The following ACACA variants were observed in gnomAD, a reference collection of about 807,000 sequenced individuals.
ACACA encodes acetyl-CoA carboxylase 1.
ACACA carries 103 observed loss-of-function variants against 296.1 expected under a neutral mutation model. The ratio of observed to expected loss-of-function variants is 0.35; its 90% CI spans 0.30 to 0.41. ACACA has a LOEUF of 0.41. Among genes scored for constraint, ACACA ranks in the 10% least tolerant of loss-of-function variants. The probability of loss-of-function intolerance (pLI) is 1.00; values close to 1 mark genes in which losing one functional copy is unlikely to be tolerated. For synonymous variants in ACACA, 953 were observed against 1,038.6 expected (o/e 0.92, Z 1.58); for missense variants, 1,554 against 2,989.7 (o/e 0.52, Z 11.20).
At chr17:37,331,037 A>G (rs904556654) in intron 2 of ACACA, among the ~76,000 whole-genome samples, 1 of 152,252 alleles carries the variant, frequency 6.6e-6, no homozygotes, top group Non-Finnish European at 1.5e-5. Context: ...CAGCCTCCCC[A>G]GTAGCTGGGA....
chr17:37,319,051 T>C (rs549429443), intron 3 of ACACA, among the ~76,000 whole-genome samples: 51 of 152,332 alleles, frequency 3.3e-4, no homozygotes, highest in Non-Finnish European at 6.5e-4. Flanking sequence ...CTTCTGTTTC[T>C]CTATATGCTA....
rs56411032 is a variant in ACACA at position 37,137,930 on chromosome 17, T to C, written c.5680-7712A>G. Among the ~76,000 whole-genome samples the C allele has an allele frequency of 1.1e-3, 174 of 152,364 alleles. 1 individual carries two copies. The highest frequency in any genetic ancestry group is 4.1e-3 in the African/African-American group (171 of 41,580). On this transcript the variant is annotated intron_variant, in intron 45 of 55. Coordinates refer to ENST00000616317, the MANE Select transcript of ACACA (RefSeq NM_198834.3). ...GATTACATGTTCCAATGGTCTTGAC[T>C]TCTCATATTTGCATCTTATGCTGTT... is the stretch of plus-strand genomic sequence containing the variant.
chr17:37,126,274 A>G (rs979016323), intron 47 of ACACA, among the ~76,000 whole-genome samples: 1 of 152,232 alleles, frequency 6.6e-6, no homozygotes, highest in African/African-American at 2.4e-5. Flanking sequence ...TAAGGATCCA[A>G]ATTTGGAGGG....
At chr17:37,331,900 T>TAA (rs75014763) in intron 2 of ACACA, among the ~76,000 whole-genome samples, 3 of 143,886 alleles carry the variant, frequency 2.1e-5, no homozygotes, top group South Asian at 2.2e-4. Context: ...AATTTTTAAT[T>TAA]AAAAAAAAAA....
chr17:37,305,071 TTC>T (rs898115653), intron 3 of ACACA, among the ~76,000 whole-genome samples: 25 of 152,230 alleles, frequency 1.6e-4, no homozygotes, highest in African/African-American at 5.3e-4. Context: ...TGTAGATAAT[TTC>T]TGTTGACTTT....
chr17:37,260,109 T>C (rs1024022900), intron 11 of ACACA, among the ~76,000 whole-genome samples: 1 of 150,502 alleles, frequency 6.6e-6, no homozygotes, highest in Non-Finnish European at 1.5e-5. Context: ...CTCAAACTCC[T>C]GACCTCAAGT....
chr17:37,206,674 G>A (rs999987261), intron 32 of ACACA, 109 bp downstream of exon 32: 4 of 906,882 alleles, frequency 4.4e-6, no homozygotes, highest in African/African-American at 3.3e-5. Flanking sequence ...ATAAAGTGGG[G>A]TAAAAGGATG....
intron 52 of ACACA, among the ~76,000 whole-genome samples, chr17:37,098,756 CTCATTTGGA>C (rs1051639932): frequency 6.6e-6 from 1 of 152,156 alleles, no homozygotes; most frequent in Non-Finnish European, 1.5e-5. Flanking sequence ...GTTGGCAAAC[CTCATTTGGA>C]TCACTGCGCA....
intron 1 of ACACA, chr17:37,360,092 CT>C (rs1265147928): frequency 6.6e-6 from 1 of 152,134 alleles, no homozygotes; most frequent in African/African-American, 2.4e-5. Context: ...CATAGCAAGA[CT>C]TTCATGGTAG....
chr17:37,280,730 A>AACACAC (rs71979048), intron 5 of ACACA, among the ~76,000 whole-genome samples: 20,862 of 146,248 alleles, frequency 0.14, 1,605 homozygotes, highest in African/African-American at 0.2. Context: ...TTACATAGTT[A>AACACAC]ACACACACAC....
intron 11 of ACACA, among the ~76,000 whole-genome samples, chr17:37,259,938 G>A (rs1197346511): frequency 6.7e-6 from 1 of 148,408 alleles, no homozygotes; most frequent in Non-Finnish European, 1.5e-5. Context: ...GGAGTCCAGT[G>A]GCACAATCTC....
Position 37,363,309 on chromosome 17 carries a change from A to G in ACACA, c.39-23459T>C, listed in dbSNP as rs574158547. ...GCGATTCTTCTGCCTCAGCCTCTCA[A>G]GTAGCTGGGATTACTGGCGCGTGCC... On this transcript the variant is annotated intron_variant, in intron 1 of 55. Coordinates refer to ENST00000616317, the MANE Select transcript of ACACA (RefSeq NM_198834.3). Among the ~76,000 whole-genome samples the G allele has an allele frequency of 2.0e-3, 295 of 149,908 alleles. 1 individual carries two copies. The highest frequency in any genetic ancestry group is 6.5e-3 in the African/African-American group (267 of 40,836).
chr17:37,133,316 GAGTATGCGCCAGTAGAATGAGGGCGCAC>G (rs2075188778), intron 45 of ACACA, among the ~76,000 whole-genome samples: 1 of 152,168 alleles, frequency 6.6e-6, no homozygotes. Context: ...CACATGTTTG[GAGTATGCGCCAGTAGAATGAGGGCGCAC>G]ACAATAGCTC....
intron 3 of ACACA, among the ~76,000 whole-genome samples, chr17:37,310,510 G>A (rs1435175351): frequency 1.3e-5 from 2 of 151,912 alleles, no homozygotes; most frequent in African/African-American, 4.8e-5. Flanking sequence ...TATAGAAAAT[G>A]TGGCTGGGTA....
chr17:37,400,052 TTG>T (rs756683628), intron 1 of ACACA, among the ~76,000 whole-genome samples: 2 of 152,104 alleles, frequency 1.3e-5, no homozygotes, highest in Non-Finnish European at 2.9e-5. Flanking sequence ...ACTTATTTTT[TTG>T]TGTGGTAAGA....
rs747093484 is a variant in ACACA, at chr17:37,252,870, G to A, written c.1977+16C>T. 1.2e-6 allele frequency: 2 copies of A among 1,614,034 alleles called. No individual in the cohort carries two copies. The highest frequency in any genetic ancestry group is 1.7e-6 in the Non-Finnish European group (2 of 1,180,028). The stretch of plus-strand genomic sequence containing the variant: ...AAAAACCCAATCCCAGCATCTGTTT[G>A]TGGAGAAATACACACCTGTACTTTT... On this transcript the variant is annotated intron_variant, in intron 15 of 55. Coordinates refer to ENST00000616317, the MANE Select transcript of ACACA (RefSeq NM_198834.3).
At chr17:37,256,114 G>A (rs566499919) in intron 14 of ACACA, among the ~76,000 whole-genome samples, 1 of 152,192 alleles carries the variant, frequency 6.6e-6, no homozygotes, top group South Asian at 2.1e-4. Context: ...ACTTTTAAGA[G>A]CTAGCAGAAA....
intron 27 of ACACA, among the ~76,000 whole-genome samples, chr17:37,224,281 G>C (rs995298469): frequency 7.9e-5 from 12 of 152,182 alleles, no homozygotes; most frequent in African/African-American, 2.6e-4. Flanking sequence ...TGAAACCCTA[G>C]ATTTCAGCTA....
intron 14 of ACACA, among the ~76,000 whole-genome samples, chr17:37,257,294 T>C (rs993225353): frequency 2.6e-5 from 4 of 152,024 alleles, no homozygotes; most frequent in South Asian, 2.1e-4. Context: ...TACTTGAAAA[T>C]TGCTAATAGA....
Sources: allele counts gnomAD v4.1 joint callset (sites outside exome capture counted in the v4.1 genomes callset), GRCh38; gene constraint gnomAD v4.1.1; transcripts MANE v1.5; gene names NCBI Gene and HGNC (gene_info 2026-07-23, HGNC 2026-07-21).